Variants in MAD1L1 observed in about 807,000 individuals in gnomAD.
The protein encoded by MAD1L1 is mitotic spindle assembly checkpoint protein MAD1.
A neutral mutation model predicts 96.9 loss-of-function variants in MAD1L1; 95 were observed. The observed-to-expected ratio is 0.98, with a 90% CI of 0.83 to 1.16. The LOEUF (loss-of-function observed/expected upper bound fraction) is 1.16. Ranked by LOEUF, MAD1L1 falls within the 50% of genes most tolerant of loss-of-function variation. MAD1L1 has a pLI of 0.00. For synonymous variants in MAD1L1, 473 were observed against 396.6 expected, an observed-to-expected ratio of 1.19 and a Z score of -2.29; for missense variants, 1,007 against 954.4, an observed-to-expected ratio of 1.06 and a Z score of -0.73.
intron 11 of MAD1L1, among the ~76,000 whole-genome samples, chr7:2,100,269 C>CCCAGCTGACTAGATCTCCGCGTT (rs1562686669): frequency 6.6e-6 from 1 of 152,188 alleles, no homozygotes; most frequent in African/African-American, 2.4e-5. Context: ...AGCTAGGAAT[C>CCCAGCTGACTAGATCTCCGCGTT]CCAGCTGACT....
At position 2,074,180 on chromosome 7, in the gene MAD1L1, C is replaced by T. The variant is rs147348704; in HGVS notation, c.1074-4842G>A. Among the ~76,000 whole-genome samples the T allele has an allele frequency of 5.4e-3, 821 of 152,258 alleles. 8 individuals carry two copies. The highest frequency in any genetic ancestry group is 0.019 in the African/African-American group (770 of 41,554). On this transcript the variant is annotated intron_variant, in intron 11 of 18. Transcript: ENST00000265854. ...CAGCAGAGATGGCAGCACGGAACAC[C>T]GCAGCCAGCCTGGGCTCGCTGGGCC...
rs1240202339 is a variant in MAD1L1 at position 2,103,991 on chromosome 7, T to TTCAATGAA, written c.1074-34661_1074-34654dup. Among the ~76,000 whole-genome samples the TTCAATGAA allele has an allele frequency of 1.3e-5, 2 of 152,154 alleles. No homozygotes were observed. The highest frequency in any genetic ancestry group is 1.3e-4 in the Admixed American group (2 of 15,284). On this transcript the variant is annotated intron_variant, in intron 11 of 18. Coordinates refer to ENST00000265854, the MANE Select transcript of MAD1L1 (RefSeq NM_001013836.2). The surrounding 1 kb of genome is among the most constrained non-coding windows in gnomAD (Gnocchi z 4.3). ...ATATGCAGCCGGTGTCTGGAAATCA[T>TTCAATGAA]TCAATGAAGGTAAGGAGTGTGCTCC... is the stretch of plus-strand genomic sequence containing the variant.
Position 2,058,927 on chromosome 7 carries a change from AGTGTG to A in MAD1L1, c.1218+10262_1218+10266del, listed in dbSNP as rs1176907657. ...GGGAGAGGCGCAGGGCTGGAGAGGG[AGTGTG>A]GCCAGAGGAGAGGAGAGGCGCGGGG... On this transcript the variant is annotated intron_variant, in intron 12 of 18. Coordinates refer to ENST00000265854, the MANE Select transcript of MAD1L1 (RefSeq NM_001013836.2). 1.8e-4 allele frequency among the ~76,000 whole-genome samples: 14 copies of A among 76,842 alleles called. 2 individuals carry two copies. The highest frequency in any genetic ancestry group is 5.4e-4 in the Admixed American group (4 of 7,368). 50.4% of individuals were successfully genotyped at this position (76,842 alleles called of 152,430 possible). A position where few individuals can be genotyped will look rare whatever the true frequency, so the allele number is the denominator to read the frequency against.
intron 5 of MAD1L1, among the ~76,000 whole-genome samples, chr7:2,220,540 G>A (rs530755121): frequency 2.6e-5 from 4 of 152,304 alleles, no homozygotes; most frequent in Admixed American, 1.3e-4. Flanking sequence ...TGGGGACCAC[G>A]CACCCAGGAC....
intron 18 of MAD1L1, among the ~76,000 whole-genome samples, chr7:1,843,142 G>A (rs1176287583): frequency 6.6e-6 from 1 of 152,096 alleles, no homozygotes; most frequent in Non-Finnish European, 1.5e-5. Flanking sequence ...CACAGTGCCG[G>A]GATCCTGTGT....
At chr7:1,833,459 C>T (rs190438982) in intron 18 of MAD1L1, among the ~76,000 whole-genome samples, 11 of 152,312 alleles carry the variant, frequency 7.2e-5, no homozygotes, top group Non-Finnish European at 1.2e-4. Flanking sequence ...ATTCATCTAT[C>T]AATAACTGAT....
At chr7:1,939,046 GCA>G (rs34624169) in intron 16 of MAD1L1, among the ~76,000 whole-genome samples, 73,324 of 107,060 alleles carry the variant, frequency 0.68, 25,310 homozygotes, top group African/African-American at 0.84. Flanking sequence ...GGGGCCAGAG[GCA>G]CACACACACA....
At chr7:2,027,161 GA>G (rs921702726) in intron 12 of MAD1L1, among the ~76,000 whole-genome samples, 1 of 149,712 alleles carries the variant, frequency 6.7e-6, no homozygotes, top group Non-Finnish European at 1.5e-5. Flanking sequence ...ACTGAATAAA[GA>G]AAAAAAAAGA....
chr7:1,886,002 C>T (rs1049685782), intron 18 of MAD1L1, among the ~76,000 whole-genome samples: 2 of 152,272 alleles, frequency 1.3e-5, no homozygotes, highest in African/African-American at 2.4e-5. Flanking sequence ...CCAGGTCCTA[C>T]TGCCTCCACC....
intron 16 of MAD1L1, among the ~76,000 whole-genome samples, chr7:1,952,667 G>A (rs533949979): frequency 3.3e-5 from 5 of 152,286 alleles, no homozygotes; most frequent in Admixed American, 1.3e-4. Flanking sequence ...CTGCCCTCCC[G>A]TGATCCTGCC....
intron 12 of MAD1L1, among the ~76,000 whole-genome samples, chr7:2,052,884 G>A (rs1312808066): frequency 6.6e-6 from 1 of 151,992 alleles, no homozygotes. Context: ...CCGGGGCCAT[G>A]GGGAGATAGG....
chr7:1,931,922 T>C (rs1309945559), intron 17 of MAD1L1, among the ~76,000 whole-genome samples: 1 of 152,200 alleles, frequency 6.6e-6, no homozygotes, highest in African/African-American at 2.4e-5. Flanking sequence ...TGCTTCCCAG[T>C]CTTTTTGTGC....
At chr7:1,821,128 A>G (rs1782106117) in intron 18 of MAD1L1, among the ~76,000 whole-genome samples, 1 of 151,650 alleles carries the variant, frequency 6.6e-6, no homozygotes, top group Non-Finnish European at 1.5e-5. Context: ...AATATCAGAA[A>G]TGAAATGGAA....
At chr7:1,854,392 C>T (rs1256855567) in intron 18 of MAD1L1, 1 of 465,462 alleles carries the variant, frequency 2.1e-6, no homozygotes, top group Non-Finnish European at 4.3e-6. Context: ...GTCCACTCGG[C>T]CGCTGCAGAC....
chr7:1,899,509 G>A (rs1273040041), intron 17 of MAD1L1, among the ~76,000 whole-genome samples: 1 of 152,226 alleles, frequency 6.6e-6, no homozygotes, highest in East Asian at 1.9e-4. Flanking sequence ...CCCACAACCA[G>A]GCACGGGATG....
At chr7:1,896,955 A>G (rs547568534) in intron 18 of MAD1L1, among the ~76,000 whole-genome samples, 6 of 152,396 alleles carry the variant, frequency 3.9e-5, no homozygotes, top group African/African-American at 1.2e-4. Context: ...ATTATACAAA[A>G]GCGAAGAAGT....
At chr7:2,137,530 C>G (rs544663363) in intron 11 of MAD1L1, among the ~76,000 whole-genome samples, 68 of 152,172 alleles carry the variant, frequency 4.5e-4, no homozygotes, top group Middle Eastern at 3.4e-3. Flanking sequence ...CCCTTCTGCA[C>G]CTTGCACACA....
At chr7:2,227,732 C>G in intron 3 of MAD1L1, among the ~76,000 whole-genome samples, 1 of 152,288 alleles carries the variant, frequency 6.6e-6, no homozygotes, top group Middle Eastern at 3.4e-3. Flanking sequence ...TAAGACTGCC[C>G]TTCAAACTCA....
At chr7:2,191,540 G>T (rs926037134) in intron 10 of MAD1L1, among the ~76,000 whole-genome samples, 1 of 152,108 alleles carries the variant, frequency 6.6e-6, no homozygotes, top group Non-Finnish European at 1.5e-5. Context: ...AGACCAGTCT[G>T]GCCAACATGG....
Sources: allele counts gnomAD v4.1 joint callset (sites outside exome capture counted in the v4.1 genomes callset), GRCh38; gene constraint gnomAD v4.1.1; non-coding constraint Gnocchi (gnomAD v3.1); transcripts MANE v1.5; gene names NCBI Gene and HGNC (gene_info 2026-07-23, HGNC 2026-07-21).